HSF2: variants seen among roughly 807,000 people sequenced by gnomAD.
HSF2 encodes the protein heat shock factor protein 2.
HSF2 carries 21 observed loss-of-function variants against 65.0 expected under a neutral mutation model. The ratio of observed to expected loss-of-function variants is 0.32; its 90% confidence interval spans 0.23 to 0.47. The LOEUF (loss-of-function observed/expected upper bound fraction) is 0.47. HSF2 is among the 20% of genes least tolerant of loss of function. HSF2 has a pLI of 1.00. For missense variants in HSF2, 499 were observed against 628.1 expected (o/e 0.79, Z 2.20); for synonymous variants, 225 against 219.1 (o/e 1.03, Z -0.24).
intron 10 of HSF2, among the ~76,000 whole-genome samples, chr6:122,425,860 A>T (rs72956438): frequency 0.014 from 2,096 of 152,168 alleles, 20 homozygotes; most frequent in Non-Finnish European, 0.024. Context: ...ACTGGACTTG[A>T]ATTCTAATTC....
At chr6:122,405,101 A>G (rs1773838616) in intron 1 of HSF2, among the ~76,000 whole-genome samples, 2 of 152,086 alleles carry the variant, frequency 1.3e-5, no homozygotes, top group African/African-American at 4.8e-5. Context: ...TGGAGCTTAC[A>G]TTGAGTGGTG....
chr6:122,424,925 C>T (rs1302871670), intron 10 of HSF2, among the ~76,000 whole-genome samples: 1 of 152,038 alleles, frequency 6.6e-6, no homozygotes, highest in African/African-American at 2.4e-5. Flanking sequence ...CCCTAAAGAC[C>T]TTATCCAGTC....
In HSF2 at chr6:122,399,703, G is replaced by A. The variant is rs978737789; in HGVS notation, c.-35G>A. 4 of 1,552,772 alleles carry A rather than the reference G, an allele frequency of 2.6e-6. No individual in the cohort carries two copies. Among genetic ancestry groups the A allele is most frequent in the Admixed American group, 3.4e-5 (2 of 58,432 alleles). ...GCCGCCGCCGCTACCACCGCGTTCG[G>A]GTGTAGAATTTGGAATCCCTGCGCC... On this transcript the variant is annotated 5_prime_UTR_variant, in exon 1 of 13. Transcript: ENST00000368455.
At position 122,399,846 on chromosome 6, in the gene HSF2, G is replaced by C. The variant is rs376736127; in HGVS notation, c.93+16G>C. The C allele has an allele frequency of 1.3e-6, 2 of 1,597,912 alleles. No homozygotes were observed. The highest frequency in any genetic ancestry group is 1.7e-6 in the Non-Finnish European group (2 of 1,166,642). ...CTGGAGCCAGGTACGGTCAGGCCAC[G>C]GCGGCCTCTGAACCCCCTGAATAAC... is the stretch of plus-strand genomic sequence containing the variant. On this transcript the variant is annotated intron_variant, in intron 1 of 12. Transcript: ENST00000368455.
At chr6:122,423,526 A>G in intron 9 of HSF2, 55 bp from the exon 10 acceptor site, 1 of 922,410 alleles carries the variant, frequency 1.1e-6, no homozygotes, top group Non-Finnish European at 1.7e-6. Context: ...GGTGATTTTT[A>G]AACATAAAAA....
chr6:122,415,918 G>A (rs1774115651), intron 4 of HSF2, among the ~76,000 whole-genome samples: 2 of 152,132 alleles, frequency 1.3e-5, no homozygotes, highest in African/African-American at 2.4e-5. Flanking sequence ...TTAGGAAGCT[G>A]AGGCACGAGA....
intron 1 of HSF2, among the ~76,000 whole-genome samples, chr6:122,402,163 A>G (rs1773752614): frequency 1.3e-5 from 2 of 152,338 alleles, no homozygotes; most frequent in South Asian, 4.1e-4. Context: ...CCCCTACCCT[A>G]ATAGATTTCT....
At chr6:122,407,961 C>CAGAGAGAG (rs10534323) in intron 1 of HSF2, among the ~76,000 whole-genome samples, 3 of 149,732 alleles carry the variant, frequency 2.0e-5, no homozygotes, top group South Asian at 2.1e-4. Context: ...TTCCCAATGG[C>CAGAGAGAG]AGAGAGAGAG....
chr6:122,413,439 C>T (rs1344558630), intron 3 of HSF2, 86 bp from the exon 4 acceptor site: 13 of 1,008,962 alleles, frequency 1.3e-5, no homozygotes, highest in South Asian at 6.8e-5. Context: ...GAACAGGCTA[C>T]GAAAACCTCT....
intron 7 of HSF2, among the ~76,000 whole-genome samples, chr6:122,420,696 A>ATTTTTTTT (rs1353831309): frequency 1.5e-4 from 3 of 20,376 alleles, no homozygotes; most frequent in Non-Finnish European, 2.3e-4. Flanking sequence ...TAGTTTATTC[A>ATTTTTTTT]TTTCTTTTTT....
At chr6:122,402,375 A>G (rs1773757147) in intron 1 of HSF2, among the ~76,000 whole-genome samples, 1 of 152,218 alleles carries the variant, frequency 6.6e-6, no homozygotes, top group Non-Finnish European at 1.5e-5. Context: ...TAATACTGAA[A>G]AGTAAAACTT....
Position 122,423,062 on chromosome 6 carries a change from T to C in HSF2, c.1070+105T>C, listed in dbSNP as rs45458598. 0.013 allele frequency: 15,295 copies of C among 1,216,224 alleles called. 2,121 individuals are homozygous for C. The Admixed American group carries it at 0.25, about 20-fold the overall frequency. 75.3% of individuals were successfully genotyped at this position (1,216,224 alleles called of 1,614,324 possible). A position where few individuals can be genotyped will look rare whatever the true frequency, so the allele number is the denominator to read the frequency against. ...CTTCCTTTCAGATGATGAACCCACA[T>C]AGTCCACCTTTCTCTGTTTTGGTCA... On this transcript the variant is annotated intron_variant, in intron 9 of 12. Transcript: ENST00000368455.
chr6:122,401,437 A>G (rs1773731278), intron 1 of HSF2, among the ~76,000 whole-genome samples: 1 of 152,214 alleles, frequency 6.6e-6, no homozygotes, highest in African/African-American at 2.4e-5. Flanking sequence ...TAGGGGCTAT[A>G]TATATTGGCA....
Position 122,422,933 on chromosome 6 carries a change from A to T in HSF2, c.1046A>T (p.Asn349Ile). 6.2e-7 allele frequency: 1 copy of T among 1,613,456 alleles called. No individual in the cohort carries two copies. Among genetic ancestry groups the T allele is most frequent in the Non-Finnish European group, 8.5e-7 (1 of 1,179,562 alleles). ...GTGACCATGATGGATTCCATTTTGA[A>T]TGATAACATCAATCTTTTGGGAAAG... ...DPVTMMDSIL[N>I]DNINLLGKVE... Residue 349 changes from asparagine (N) to isoleucine (I), a missense_variant, in exon 9 of 13, where the codon AAT becomes ATT. By Grantham distance (149) the Asn-to-Ile change is moderately radical (BLOSUM62 -3). Transcript: ENST00000368455.
At chr6:122,409,518 G>A (rs187783517) in intron 1 of HSF2, among the ~76,000 whole-genome samples, 25 of 151,850 alleles carry the variant, frequency 1.6e-4, no homozygotes, top group Admixed American at 7.2e-4. Context: ...GGTATAAGAG[G>A]GAAAGTTCTT....
At chr6:122,429,987 T>G (rs993424514) in intron 11 of HSF2, among the ~76,000 whole-genome samples, 41 of 152,196 alleles carry the variant, frequency 2.7e-4, no homozygotes, top group African/African-American at 9.6e-4. Flanking sequence ...GTTGTGTCTC[T>G]GCCAGGTTTT....
chr6:122,425,492 C>A (rs781496298), intron 10 of HSF2, among the ~76,000 whole-genome samples: 2 of 151,990 alleles, frequency 1.3e-5, no homozygotes, highest in Non-Finnish European at 2.9e-5. Flanking sequence ...CCTAGTTTCT[C>A]CATTTGTTAA....
chr6:122,403,180 A>G (rs1297117905), intron 1 of HSF2, among the ~76,000 whole-genome samples: 6 of 152,198 alleles, frequency 3.9e-5, no homozygotes, highest in African/African-American at 1.2e-4. Context: ...CAATATGACA[A>G]AATTGAAAAG....
intron 10 of HSF2, among the ~76,000 whole-genome samples, chr6:122,426,986 T>G (rs1328212321): frequency 6.6e-6 from 1 of 152,062 alleles, no homozygotes; most frequent in Non-Finnish European, 1.5e-5. Context: ...CTTCCCCTAG[T>G]CTTCTCCTTT....
Sources: gnomAD v4.1 joint callset for allele counts (sites outside exome capture counted in the v4.1 genomes callset) on GRCh38, gnomAD v4.1.1 for gene constraint, MANE v1.5 for transcripts, NCBI Gene and HGNC (gene_info 2026-07-23, HGNC 2026-07-21) for gene names.